The following USP34 variants were observed in gnomAD, a reference collection of about 807,000 sequenced individuals.
USP34 encodes ubiquitin specific peptidase 34, also known as ubiquitin carboxyl-terminal hydrolase 34.
A neutral mutation model predicts 460.3 loss-of-function variants in USP34; 70 were observed. The observed-to-expected ratio is 0.15, with a 90% CI of 0.13 to 0.19. The LOEUF (loss-of-function observed/expected upper bound fraction) is 0.19. Ranked by LOEUF, USP34 falls within the 10% of genes least tolerant of loss-of-function variation. The probability of loss-of-function intolerance (pLI) is 1.00; values close to 1 mark genes in which losing one functional copy is unlikely to be tolerated. For synonymous variants in USP34, 1,647 were observed against 1,405.3 expected (o/e 1.17, Z -3.85); for missense variants, 3,985 against 4,236.2 (o/e 0.94, Z 1.65).
At chr2:61,206,628 T>C (rs1687128320) in intron 71 of USP34, 132 bp downstream of exon 71, 6 of 1,151,112 alleles carry the variant, frequency 5.2e-6, no homozygotes, top group Non-Finnish European at 7.1e-6. Flanking sequence ...TTCCTGATGG[T>C]TAGCTAGCTT....
intron 10 of USP34, among the ~76,000 whole-genome samples, chr2:61,357,912 C>A (rs908358123): frequency 1.3e-4 from 19 of 151,982 alleles, no homozygotes. Flanking sequence ...AAGAATGGGC[C>A]GGGCGTGGTG....
intron 8 of USP34, among the ~76,000 whole-genome samples, chr2:61,375,793 A>G (rs1402926350): frequency 6.9e-6 from 1 of 145,888 alleles, no homozygotes; most frequent in Admixed American, 6.9e-5. Flanking sequence ...AAAAAAAAAA[A>G]AGTAGAAACA....
At chr2:61,285,771 C>T (rs554660779) in intron 34 of USP34, among the ~76,000 whole-genome samples, 6 of 152,202 alleles carry the variant, frequency 3.9e-5, no homozygotes, top group Middle Eastern at 6.8e-3. Flanking sequence ...TAATATACCA[C>T]GGGTAGAGAG....
At position 61,214,639 on chromosome 2, in the gene USP34, G is replaced by C. The variant is rs1558470059; in HGVS notation, c.8103C>G (p.Phe2701Leu). The C allele has an allele frequency of 6.2e-6, 10 of 1,614,070 alleles. No individual in the cohort carries two copies. The highest frequency in any genetic ancestry group is 7.6e-6 in the Non-Finnish European group (9 of 1,180,036). Residue 2701 changes from phenylalanine (F) to leucine (L), a missense_variant, in exon 68 of 80, where the codon TTC (phenylalanine) becomes TTG (leucine). By Grantham distance (22) the Phe-to-Leu change is conservative. Around this residue, in one of 14 missense-constraint regions of USP34, gnomAD observed 604 missense variants for 684.8 expected, o/e 0.88. Transcript: ENST00000398571. The stretch of plus-strand genomic sequence containing the variant: ...GGATGTGCAAAGACCTTGTTGACCG[G>C]AACATCTGACGGAATGAATTGCTTG... ...LIPSNSFRQMFRSTRSLHIPT... is the reference protein window; with the variant it reads ...LIPSNSFRQMLRSTRSLHIPT...
intron 3 of USP34, among the ~76,000 whole-genome samples, chr2:61,398,832 G>A (rs755947635): frequency 6.6e-6 from 1 of 152,176 alleles, no homozygotes; most frequent in Non-Finnish European, 1.5e-5. Flanking sequence ...TGTCCTTAGA[G>A]AAATGAAGTC....
chr2:61,392,342 G>A (rs1345347351), intron 5 of USP34, among the ~76,000 whole-genome samples: 2 of 152,172 alleles, frequency 1.3e-5, no homozygotes, highest in Non-Finnish European at 2.9e-5. Context: ...AAGGCCGGGT[G>A]CGGTGGCTCA....
At position 61,343,853 on chromosome 2, in the gene USP34, GGAA is replaced by G. The variant is rs1691679691; in HGVS notation, c.2459_2461del (p.Leu820del). 1.2e-6 allele frequency: 2 copies of G among 1,613,820 alleles called. No individual in the cohort carries two copies. The highest frequency in any genetic ancestry group is 2.7e-5 in the African/African-American group (2 of 74,898). On this transcript the variant is annotated inframe_deletion, in exon 16 of 80. Transcript: ENST00000398571. ...TTCATGGTAAATGGAAGCTAAATTG[GGAA>G]GATGTTGTTGGAGGTGAGATGTCAG...
At chr2:61,321,521 C>T (rs1267540931) in intron 21 of USP34, among the ~76,000 whole-genome samples, 1 of 152,120 alleles carries the variant, frequency 6.6e-6, no homozygotes, top group Non-Finnish European at 1.5e-5. Context: ...TTATGTCATC[C>T]TATTTGTAAA....
chr2:61,223,175 C>G lies in USP34; in HGVS notation c.7645-11G>C. 1.2e-6 allele frequency: 2 copies of G among 1,613,212 alleles called. No homozygotes were observed. The highest frequency in any genetic ancestry group is 1.7e-6 in the Non-Finnish European group (2 of 1,179,498). On this transcript the variant is annotated splice_polypyrimidine_tract_variant and intron_variant, in intron 63 of 79. Transcript: ENST00000398571. Reference sequence around the variant, plus strand: ...CAAGAAGGGAAATCCCTGTCAAAAGCAAAAGTTGTTCATTTAAGAACCGTT... The same window carrying G: ...CAAGAAGGGAAATCCCTGTCAAAAGGAAAAGTTGTTCATTTAAGAACCGTT...
chr2:61,311,379 G>A (rs1372265166), intron 27 of USP34, among the ~76,000 whole-genome samples, 161 bp downstream of exon 27: 2 of 150,582 alleles, frequency 1.3e-5, no homozygotes, highest in African/African-American at 2.5e-5. Context: ...CTGTAGTATT[G>A]TTACAGCAAC....
chr2:61,399,082 C>T (rs1283507426), intron 3 of USP34, among the ~76,000 whole-genome samples: 1 of 152,102 alleles, frequency 6.6e-6, no homozygotes, highest in Non-Finnish European at 1.5e-5. Flanking sequence ...ACGGCCGGTG[C>T]AGTGGCTCAT....
chr2:61,195,846 A>G (rs1421875520), intron 75 of USP34, among the ~76,000 whole-genome samples: 2 of 152,042 alleles, frequency 1.3e-5, no homozygotes, highest in Non-Finnish European at 2.9e-5. Flanking sequence ...AGCAGACTGT[A>G]TACTACAATT....
At position 61,420,504 on chromosome 2, in the gene USP34, C is replaced by G. The variant is rs918030801; in HGVS notation, c.131+242G>C. ...TCAAAATAGTTACTTTTCAGAATTT[C>G]TGTGACTCTCATATCCCTAAATAAG... On this transcript the variant is annotated intron_variant, in intron 2 of 79. Transcript: ENST00000398571. 3.9e-5 allele frequency among the ~76,000 whole-genome samples: 6 copies of G among 152,102 alleles called. No homozygotes were observed. The South Asian group carries it at 1.2e-3, about 31-fold the overall frequency.
intron 43 of USP34, among the ~76,000 whole-genome samples, chr2:61,261,679 A>C (rs1255826167): frequency 6.6e-6 from 1 of 152,230 alleles, no homozygotes; most frequent in Non-Finnish European, 1.5e-5. Context: ...TACCACAATT[A>C]GAATATATGT....
intron 27 of USP34, among the ~76,000 whole-genome samples, chr2:61,310,235 A>G (rs151123647): frequency 1.8e-4 from 28 of 152,326 alleles, no homozygotes; most frequent in African/African-American, 6.7e-4. Context: ...ATTTGGATCC[A>G]GAAATTCCAT....
chr2:61,206,577 AAG>A (rs1424926257), intron 71 of USP34, among the ~76,000 whole-genome samples, 181 bp downstream of exon 71: 1 of 152,212 alleles, frequency 6.6e-6, no homozygotes, highest in Non-Finnish European at 1.5e-5. Flanking sequence ...AAAAACATAA[AAG>A]AGCCTTCCAG....
At chr2:61,257,422 A>AT in intron 44 of USP34, 72 bp from the exon 45 acceptor site, 1 of 1,263,438 alleles carries the variant, frequency 7.9e-7, no homozygotes, top group Non-Finnish European at 1.1e-6. Context: ...CAATGAACAT[A>AT]TAACAAAAAC....
chr2:61,260,784 T>C (rs1436112032), intron 43 of USP34, among the ~76,000 whole-genome samples: 1 of 152,132 alleles, frequency 6.6e-6, no homozygotes, highest in Non-Finnish European at 1.5e-5. Context: ...AAAGTATTGA[T>C]TCAGGATACA....
intron 1 of USP34, among the ~76,000 whole-genome samples, chr2:61,462,902 A>G (rs191131918): frequency 6.6e-6 from 1 of 150,646 alleles, no homozygotes; most frequent in African/African-American, 2.4e-5. Flanking sequence ...GCTGGTATAC[A>G]CACCTATAGT....
Sources: allele counts gnomAD v4.1 joint callset (sites outside exome capture counted in the v4.1 genomes callset), GRCh38; gene constraint gnomAD v4.1.1; regional missense constraint gnomAD v4.1.1; transcripts MANE v1.5; gene names NCBI Gene and HGNC (gene_info 2026-07-23, HGNC 2026-07-21).